Variants in BICRA observed in about 807,000 individuals in gnomAD.
BICRA encodes BRD4 interacting chromatin remodeling complex associated protein.
In BICRA, 31 loss-of-function variants were observed where a neutral mutation model predicts 96.9. The ratio of observed to expected loss-of-function variants is 0.32; its 90% CI spans 0.24 to 0.43. The LOEUF is 0.43. Among genes scored for constraint, BICRA ranks in the 20% least tolerant of loss-of-function variants. The pLI, the probability that BICRA is intolerant of heterozygous loss-of-function variation, is 1.00. For missense variants in BICRA, 2,283 were observed against 2,190.3 expected, an observed-to-expected ratio of 1.04 and a Z score of -0.84; for synonymous variants, 1,350 against 1,071.8, an observed-to-expected ratio of 1.26 and a Z score of -5.07.
intron 1 of BICRA, among the ~76,000 whole-genome samples, chr19:47,630,810 T>C (rs369087554): frequency 1.3e-5 from 2 of 152,240 alleles, no homozygotes; most frequent in East Asian, 3.8e-4. Context: ...GGTAATGATC[T>C]GTTCTAACTT....
In BICRA at chr19:47,699,094, C is replaced by T. The variant is rs1482088659; in HGVS notation, c.3492+35C>T. 1.5e-6 allele frequency: 2 copies of T among 1,367,682 alleles called. No individual in the cohort carries two copies. The highest frequency in any genetic ancestry group is 2.0e-6 in the Non-Finnish European group (2 of 982,240). 84.7% of individuals were successfully genotyped at this position (1,367,682 alleles called of 1,614,324 possible). On this transcript the variant is annotated intron_variant, in intron 13 of 14. Coordinates refer to ENST00000594866, the MANE Select transcript of BICRA (RefSeq NM_001394372.1). This position sits in a 1 kb window ranked among gnomAD's most constrained non-coding sequence, Gnocchi z 5.0. ...GAGTCGCCTTCCTCGCCTCTGGGCTCCTCCTCGCTGGGACACTGCCCCTTT... is the reference window on the plus strand; with the variant it reads ...GAGTCGCCTTCCTCGCCTCTGGGCTTCTCCTCGCTGGGACACTGCCCCTTT...
rs1599776922 is a variant in BICRA, at chr19:47,613,200, G to C, written c.-108+4032G>C. 3.9e-5 allele frequency among the ~76,000 whole-genome samples: 6 copies of C among 152,192 alleles called. No homozygotes were observed. The South Asian group carries it at 1.2e-3, about 32-fold the overall frequency. Reference sequence around the variant, plus strand: ...ATCAGCACCCAGAGGCCTATGAAGGGGGAGTTCCTGGGGGTGTATAAGGCT... The same window carrying C: ...ATCAGCACCCAGAGGCCTATGAAGGCGGAGTTCCTGGGGGTGTATAAGGCT... On this transcript the variant is annotated intron_variant, in intron 1 of 14. Coordinates refer to ENST00000594866, the MANE Select transcript of BICRA (RefSeq NM_001394372.1).
rs963640130 is a variant in BICRA, at chr19:47,675,172, G to T, written c.85-679G>T. On this transcript the variant is annotated intron_variant, in intron 4 of 14. Transcript: ENST00000594866. This position sits in a 1 kb window ranked among gnomAD's most constrained non-coding sequence, Gnocchi z 4.7. ...GGCTTGAGCAACTGAGTGGATTCTG[G>T]TGCCATTTTCTGAAGTTGGGAATTT... Among the ~76,000 whole-genome samples the T allele has an allele frequency of 6.6e-6, 1 of 152,164 alleles. No individual in the cohort carries two copies. Among genetic ancestry groups the T allele is most frequent in the Admixed American group, 6.5e-5 (1 of 15,274 alleles).
intron 1 of BICRA, among the ~76,000 whole-genome samples, chr19:47,664,998 G>A (rs76622801): frequency 6.6e-6 from 1 of 152,230 alleles, no homozygotes; most frequent in East Asian, 1.9e-4. Context: ...TTTTGGGTCC[G>A]CAACCCTGCA....
rs111262762 is a variant in BICRA, at chr19:47,681,826, G to A, written c.2107-150G>A. 1.0e-3 allele frequency: 631 copies of A among 624,574 alleles called. 7 individuals carry two copies. The African/African-American group carries it at 0.011, about 10-fold the overall frequency. 38.7% of individuals were successfully genotyped at this position (624,574 alleles called of 1,614,324 possible). A position where few individuals can be genotyped will look rare whatever the true frequency, so the allele number is the denominator to read the frequency against. ...GAATGGAGCAGGCTGCCTGGGTTTC[G>A]GCCTCTGTGCCTGGCACCCTGCCTG... On this transcript the variant is annotated intron_variant, in intron 6 of 14. Coordinates refer to ENST00000594866, the MANE Select transcript of BICRA (RefSeq NM_001394372.1).
chr19:47,612,997 C>T (rs1266163615), intron 1 of BICRA, among the ~76,000 whole-genome samples: 1 of 152,192 alleles, frequency 6.6e-6, no homozygotes, highest in Non-Finnish European at 1.5e-5. Context: ...ACACCCAGAT[C>T]TCTCAAGATT....
At position 47,698,957 on chromosome 19, in the gene BICRA, C is replaced by A; in HGVS notation, c.3398-8C>A. 1 of 1,569,174 alleles carries A rather than the reference C, an allele frequency of 6.4e-7. No individual in the cohort carries two copies. The highest frequency in any genetic ancestry group is 8.7e-7 in the Non-Finnish European group (1 of 1,155,744). On this transcript the variant is annotated splice_polypyrimidine_tract_variant and splice_region_variant and intron_variant, in intron 12 of 14. Coordinates refer to ENST00000594866, the MANE Select transcript of BICRA (RefSeq NM_001394372.1). This position sits in a 1 kb window ranked among gnomAD's most constrained non-coding sequence, Gnocchi z 4.8. ...TCTCCGCCCTTGCCTCTCTTCCCTT[C>A]CTCGCAGTGGACGAGGAGTTTGAGA...
At chr19:47,616,270 C>G (rs1249724156) in intron 1 of BICRA, among the ~76,000 whole-genome samples, 4 of 152,174 alleles carry the variant, frequency 2.6e-5, no homozygotes, top group Non-Finnish European at 4.4e-5. Context: ...AGCAGAGTCT[C>G]CCATAGGATT....
At position 47,701,251 on chromosome 19, in the gene BICRA, C is replaced by A; in HGVS notation, c.3596-77C>A. On this transcript the variant is annotated intron_variant, in intron 14 of 14. Coordinates refer to ENST00000594866, the MANE Select transcript of BICRA (RefSeq NM_001394372.1). The surrounding 1 kb of genome is among the most constrained non-coding windows in gnomAD (Gnocchi z 5.4). Reference sequence around the variant, plus strand: ...GTGCCTGGCAGGTAGTAGGTGCTCACTGCACACAGCTCCTCCCAGCTCGGT... The same window carrying A: ...GTGCCTGGCAGGTAGTAGGTGCTCAATGCACACAGCTCCTCCCAGCTCGGT... The A allele has an allele frequency of 3.0e-6, 3 of 1,013,760 alleles. No individual in the cohort carries two copies. The highest frequency in any genetic ancestry group is 2.0e-5 in the Admixed American group (1 of 49,886). The allele number at this position is 1,013,760 out of a possible 1,614,324, so 62.8% of individuals were successfully genotyped here.
chr19:47,685,798 C>CGCGT (rs1973147218), intron 7 of BICRA, among the ~76,000 whole-genome samples: 1 of 137,138 alleles, frequency 7.3e-6, no homozygotes, highest in African/African-American at 2.7e-5. Context: ...CGCGCGCGCG[C>CGCGT]GCATGCGTAC....
chr19:47,694,916 T>A lies in BICRA; in HGVS notation c.2912T>A (p.Ile971Asn). ...CCTCCTCAGGTGCCGTCCGGAATCATCCTCCAGAACAAGGCTGGGGGGGCC... is the reference window on the plus strand; with the variant it reads ...CCTCCTCAGGTGCCGTCCGGAATCAACCTCCAGAACAAGGCTGGGGGGGCC... ...ERFHQVPSGI[I>N]LQNKAGGAPA... Residue 971 changes from isoleucine to asparagine, a missense_variant, in exon 9 of 15, where the codon ATC becomes AAC. Ile to Asn is a moderately radical substitution (Grantham distance 149). Transcript: ENST00000594866. The A allele has an allele frequency of 1.3e-6, 2 of 1,517,614 alleles. No homozygotes were observed. The highest frequency in any genetic ancestry group is 1.8e-6 in the Non-Finnish European group (2 of 1,140,528). The allele number at this position is 1,517,614 out of a possible 1,614,324, so 94.0% of individuals were successfully genotyped here.
At position 47,681,138 on chromosome 19, in the gene BICRA, C is replaced by T. The variant is rs576832933; in HGVS notation, c.1968C>T (p.Ala656=). 77 of 1,509,424 alleles carry T rather than the reference C, an allele frequency of 5.1e-5. No homozygotes were observed. The highest frequency in any genetic ancestry group is 1.2e-5 in the Non-Finnish European group (14 of 1,126,904). The allele number at this position is 1,509,424 out of a possible 1,614,324, so 93.5% of individuals were successfully genotyped here. A position where few individuals can be genotyped will look rare whatever the true frequency, so the allele number is the denominator to read the frequency against. ...QPPQAPTPQA[A]APPQATTPQP... is the part of the protein sequence containing the mutation. ...CGCAGGCCCCCACCCCACAGGCCGC[C>T]GCCCCGCCTCAGGCCACCACCCCCC... The change falls in exon 6 of 15, where the codon GCC becomes GCT. Residue 656 remains alanine, a synonymous_variant. Transcript: ENST00000594866.
In BICRA at chr19:47,664,315, C is replaced by T. The variant is rs147366179; in HGVS notation, c.-107-6128C>T. Among the ~76,000 whole-genome samples, 132 of 152,154 alleles carry T rather than the reference C, an allele frequency of 8.7e-4. 1 individual carries two copies. Among genetic ancestry groups the T allele is most frequent in the Non-Finnish European group, 1.7e-3 (117 of 68,026 alleles). ...TGATGACAGCGCAAAACTCCGATTG[C>T]ATTACAAGTGGAGGAGGAATTCACA... On this transcript the variant is annotated intron_variant, in intron 1 of 14. Coordinates refer to ENST00000594866, the MANE Select transcript of BICRA (RefSeq NM_001394372.1).
At chr19:47,658,706 C>T (rs1972659589) in intron 1 of BICRA, among the ~76,000 whole-genome samples, 1 of 151,630 alleles carries the variant, frequency 6.6e-6, no homozygotes, top group Non-Finnish European at 1.5e-5. Context: ...GTGCCAGCAG[C>T]ATCAGCATCA....
chr19:47,626,717 G>GTTTT (rs35347398), intron 1 of BICRA, among the ~76,000 whole-genome samples: 4 of 101,252 alleles, frequency 4.0e-5, no homozygotes, highest in Non-Finnish European at 5.7e-5. Flanking sequence ...TGCATCCTGG[G>GTTTT]TTTTTTTTTT....
chr19:47,647,216 A>G (rs955654440), intron 1 of BICRA, among the ~76,000 whole-genome samples: 1 of 150,632 alleles, frequency 6.6e-6, no homozygotes, highest in Non-Finnish European at 1.5e-5. Flanking sequence ...TTTTTTTTCC[A>G]GTTTGCACTG....
chr19:47,666,996 A>G (rs1972788437), intron 1 of BICRA, among the ~76,000 whole-genome samples: 1 of 150,838 alleles, frequency 6.6e-6, no homozygotes. Flanking sequence ...CCCTCTCCCC[A>G]GGAAGTTCCC....
chr19:47,609,613 C>T (rs1205903298), intron 1 of BICRA, among the ~76,000 whole-genome samples: 1 of 151,664 alleles, frequency 6.6e-6, no homozygotes, highest in Non-Finnish European at 1.5e-5. Context: ...GCGGAGACCC[C>T]CTCCCCGTCC....
rs1973434213 is a variant in BICRA, at chr19:47,701,107, C to A, written c.3596-221C>A. On this transcript the variant is annotated intron_variant, in intron 14 of 14. Coordinates refer to ENST00000594866, the MANE Select transcript of BICRA (RefSeq NM_001394372.1). This position sits in a 1 kb window ranked among gnomAD's most constrained non-coding sequence, Gnocchi z 5.4. Reference sequence around the variant, plus strand: ...AATTTACTTATGTCTGAATGAGCCCCACGTGGCTCGTGGCGCTGTGCCAGG... The same window carrying A: ...AATTTACTTATGTCTGAATGAGCCCAACGTGGCTCGTGGCGCTGTGCCAGG... 2 of 576,952 alleles carry A rather than the reference C, an allele frequency of 3.5e-6. No homozygotes were observed. Among genetic ancestry groups the A allele is most frequent in the South Asian group, 2.2e-5 (1 of 44,502 alleles). The allele number at this position is 576,952 out of a possible 1,614,324, so 35.7% of individuals were successfully genotyped here. A position where few individuals can be genotyped will look rare whatever the true frequency, so the allele number is the denominator to read the frequency against.
Sources: gnomAD v4.1 joint callset for allele counts (sites outside exome capture counted in the v4.1 genomes callset) on GRCh38, gnomAD v4.1.1 for gene constraint, Gnocchi (gnomAD v3.1) non-coding constraint, MANE v1.5 for transcripts, NCBI Gene and HGNC (gene_info 2026-07-23, HGNC 2026-07-21) for gene names.